JAM3: variants seen among roughly 807,000 people sequenced by gnomAD.
The protein encoded by JAM3 is junctional adhesion molecule C.
In JAM3, 31 loss-of-function variants were observed where a neutral mutation model predicts 39.4. That is an observed-to-expected ratio of 0.79 (90% CI 0.59 to 1.06). The LOEUF is 1.06. Ranked by LOEUF, JAM3 falls within the 50% of genes least tolerant of loss-of-function variation. The probability of loss-of-function intolerance (pLI) is 0.00; values close to 1 mark genes in which losing one functional copy is unlikely to be tolerated. For synonymous variants in JAM3, 182 were observed against 148.7 expected (o/e 1.22, Z -1.63); for missense variants, 455 against 391.4 (o/e 1.16, Z -1.37).
chr11:134,078,532 A>T (rs1419303106), intron 1 of JAM3, among the ~76,000 whole-genome samples: 4 of 152,134 alleles, frequency 2.6e-5, no homozygotes, highest in Admixed American at 2.0e-4. Flanking sequence ...GATTTCCCCG[A>T]CTTCCTTGTG....
At chr11:134,070,640 A>G (rs947296241) in intron 1 of JAM3, among the ~76,000 whole-genome samples, 3 of 152,260 alleles carry the variant, frequency 2.0e-5, no homozygotes, top group African/African-American at 7.2e-5. Flanking sequence ...TGTTGGTCAC[A>G]CTGACACTGT....
At chr11:134,069,555 A>G (rs865903973) in intron 1 of JAM3, among the ~76,000 whole-genome samples, 11 of 120,122 alleles carry the variant, frequency 9.2e-5, no homozygotes, top group Middle Eastern at 4.1e-3. Context: ...CGGTGGGCTC[A>G]TCCCCCGGGT....
intron 1 of JAM3, among the ~76,000 whole-genome samples, chr11:134,095,041 A>G (rs1237067237): frequency 2.0e-5 from 3 of 152,214 alleles, no homozygotes; most frequent in African/African-American, 7.2e-5. Flanking sequence ...AAAGTGTAAT[A>G]TTGGGTTCTT....
At chr11:134,148,955 AACACACACACACACACACACACACAC>A (rs368934602) in intron 8 of JAM3, 137 bp downstream of exon 8, 6 of 689,924 alleles carry the variant, frequency 8.7e-6, no homozygotes, top group Non-Finnish European at 1.5e-5. Flanking sequence ...CCTTCACAGT[AACACACACACACACACACACACACAC>A]ACACACACAC....
At chr11:134,148,432 A>AG in intron 6 of JAM3, 115 bp from the exon 7 acceptor site, 1 of 1,329,146 alleles carries the variant, frequency 7.5e-7, no homozygotes. Flanking sequence ...GGTAGGCCTG[A>AG]GGGGGCAGGG....
At position 134,111,508 on chromosome 11, in the gene JAM3, G is replaced by C. The variant is rs541404109; in HGVS notation, c.77-28343G>C. 1.4e-4 allele frequency among the ~76,000 whole-genome samples: 21 copies of C among 152,160 alleles called. No homozygotes were observed. In the South Asian group the frequency reaches 4.4e-3, roughly 32 times the overall value. On this transcript the variant is annotated intron_variant, in intron 1 of 8. Transcript: ENST00000299106. ...AAAGAAAAGAGTCAGTAAAATCCTA[G>C]TGTTAAAGAGGAAGAAACTCTACTT...
At chr11:134,145,726 G>A (rs1943058843) in intron 5 of JAM3, among the ~76,000 whole-genome samples, 2 of 152,192 alleles carry the variant, frequency 1.3e-5, no homozygotes, top group South Asian at 4.1e-4. Flanking sequence ...CTCCCATTTC[G>A]GATGTTGCCA....
chr11:134,135,959 A>G (rs1032863711), intron 1 of JAM3, among the ~76,000 whole-genome samples: 2 of 152,062 alleles, frequency 1.3e-5, no homozygotes, highest in African/African-American at 4.8e-5. Flanking sequence ...AATCCCAGCT[A>G]CTTGGGAGGC....
At chr11:134,114,776 C>A (rs1022489288) in intron 1 of JAM3, among the ~76,000 whole-genome samples, 5 of 152,102 alleles carry the variant, frequency 3.3e-5, no homozygotes, top group Admixed American at 1.3e-4. Context: ...TATGGTCTAC[C>A]TTGGTAAATG....
intron 1 of JAM3, among the ~76,000 whole-genome samples, chr11:134,102,031 G>T (rs541070837): frequency 6.6e-6 from 1 of 152,270 alleles, no homozygotes; most frequent in Admixed American, 6.5e-5. Context: ...TCCAGCCTGG[G>T]TGACAAAGTG....
At chr11:134,143,220 A>T (rs779354061) in intron 3 of JAM3, among the ~76,000 whole-genome samples, 9 of 152,064 alleles carry the variant, frequency 5.9e-5, no homozygotes, top group Admixed American at 2.0e-4. Flanking sequence ...CCAGCAGTGT[A>T]TTTTCCCACA....
rs944652356 is a variant in JAM3 at position 134,150,501 on chromosome 11, G to C, written c.*1320G>C. 6.6e-6 allele frequency: 1 copy of C among 152,204 alleles called. No homozygotes were observed. Among genetic ancestry groups the C allele is most frequent in the Non-Finnish European group, 1.5e-5 (1 of 68,024 alleles). 9.4% of individuals were successfully genotyped at this position (152,204 alleles called of 1,614,324 possible). On this transcript the variant is annotated 3_prime_UTR_variant, in exon 9 of 9. Transcript: ENST00000299106. ...TGTCCCAGTGAGCTTTACTCACGTGGCCCTTGCTTCATCCAGCACAGCTCT... is the reference window on the plus strand; with the variant it reads ...TGTCCCAGTGAGCTTTACTCACGTGCCCCTTGCTTCATCCAGCACAGCTCT...
At chr11:134,102,116 C>T (rs1942086368) in intron 1 of JAM3, among the ~76,000 whole-genome samples, 2 of 152,184 alleles carry the variant, frequency 1.3e-5, no homozygotes, top group South Asian at 2.1e-4. Flanking sequence ...CTAATTTAGA[C>T]ATTTCATAGA....
At chr11:134,113,661 A>G (rs1397666786) in intron 1 of JAM3, among the ~76,000 whole-genome samples, 2 of 152,196 alleles carry the variant, frequency 1.3e-5, no homozygotes, top group South Asian at 2.1e-4. Context: ...ATCCGTGTGC[A>G]TGTGTCTTTA....
chr11:134,069,460 G>A (rs1359527144), intron 1 of JAM3, among the ~76,000 whole-genome samples: 2 of 152,164 alleles, frequency 1.3e-5, no homozygotes, highest in Non-Finnish European at 2.9e-5. Flanking sequence ...GACCCCGGGG[G>A]CGGGCTCTTC....
At chr11:134,110,644 G>A (rs996680951) in intron 1 of JAM3, among the ~76,000 whole-genome samples, 1 of 152,142 alleles carries the variant, frequency 6.6e-6, no homozygotes, top group African/African-American at 2.4e-5. Context: ...CAGATGGGGT[G>A]AATAAGGAAG....
At position 134,122,558 on chromosome 11, in the gene JAM3, A is replaced by G. The variant is rs1037014252; in HGVS notation, c.77-17293A>G. 1.1e-4 allele frequency among the ~76,000 whole-genome samples: 17 copies of G among 152,254 alleles called. 1 individual carries two copies. Among genetic ancestry groups the G allele is most frequent in the East Asian group, 3.9e-4 (2 of 5,170 alleles). On this transcript the variant is annotated intron_variant, in intron 1 of 8. Coordinates refer to ENST00000299106, the MANE Select transcript of JAM3 (RefSeq NM_032801.5). ...CCTGCGCTACTCACTGCGTTGCCCA[A>G]CGTTGCTTTTCTACCCTGTTATGGC...
rs1167180229 is a variant in JAM3 at position 134,092,848 on chromosome 11, C to T, written c.76+23689C>T. Among the ~76,000 whole-genome samples the T allele has an allele frequency of 4.1e-3, 578 of 141,162 alleles. 1 individual carries two copies. Among genetic ancestry groups the T allele is most frequent in the African/African-American group, 0.013 (494 of 36,986 alleles). 92.6% of individuals were successfully genotyped at this position (141,162 alleles called of 152,430 possible). A position where few individuals can be genotyped will look rare whatever the true frequency, so the allele number is the denominator to read the frequency against. Reference sequence around the variant, plus strand: ...CTTCTCCTGAGCCCTCCTTATTCATCATGTTCCACCTTACATGTCACTTCC... The same window carrying T: ...CTTCTCCTGAGCCCTCCTTATTCATTATGTTCCACCTTACATGTCACTTCC... On this transcript the variant is annotated intron_variant, in intron 1 of 8. Transcript: ENST00000299106.
intron 1 of JAM3, among the ~76,000 whole-genome samples, chr11:134,087,175 T>C (rs1035861259): frequency 1.3e-5 from 2 of 151,994 alleles, no homozygotes; most frequent in Non-Finnish European, 2.9e-5. Flanking sequence ...TGTCCTGAGA[T>C]TATTGTGCCA....
Sources: gnomAD v4.1 joint callset for allele counts (sites outside exome capture counted in the v4.1 genomes callset) on GRCh38, gnomAD v4.1.1 for gene constraint, MANE v1.5 for transcripts, NCBI Gene and HGNC (gene_info 2026-07-23, HGNC 2026-07-21) for gene names.